NCKAP5: variants seen among roughly 807,000 people sequenced by gnomAD.
NCKAP5 encodes NCK associated protein 5.
Under a neutral mutation model 167.0 loss-of-function variants are expected in NCKAP5, and 92 were observed. That is an observed-to-expected ratio of 0.55 (90% confidence interval 0.47 to 0.66). The LOEUF (loss-of-function observed/expected upper bound fraction) is 0.66. Among genes scored for constraint, NCKAP5 ranks in the 30% least tolerant of loss-of-function variants. NCKAP5 has a pLI of 0.00. For synonymous variants in NCKAP5, 891 were observed against 877.4 expected, an observed-to-expected ratio of 1.02 and a Z score of -0.27; for missense variants, 2,378 against 2,315.0, an observed-to-expected ratio of 1.03 and a Z score of -0.56.
chr2:133,141,410 G>GAA (rs71398587), intron 5 of NCKAP5, among the ~76,000 whole-genome samples: 10 of 138,204 alleles, frequency 7.2e-5, no homozygotes, highest in Admixed American at 2.9e-4. Context: ...TAGTGGAAAG[G>GAA]AAAAAAAAAA....
At chr2:133,352,071 C>T (rs2150820625) in intron 3 of NCKAP5, among the ~76,000 whole-genome samples, 2 of 152,262 alleles carry the variant, frequency 1.3e-5, no homozygotes, top group Non-Finnish European at 1.5e-5. Flanking sequence ...AACCTGCCTC[C>T]TATCTTGGAT....
chr2:132,733,637 G>T (rs1460503564), intron 16 of NCKAP5, among the ~76,000 whole-genome samples: 1 of 152,200 alleles, frequency 6.6e-6, no homozygotes, highest in African/African-American at 2.4e-5. Flanking sequence ...CATATTAGTA[G>T]ATATCTGATA....
intron 3 of NCKAP5, among the ~76,000 whole-genome samples, chr2:133,492,143 T>TTGTGTGTGTGTGTG (rs780998843): frequency 1.5e-4 from 13 of 84,452 alleles, no homozygotes; most frequent in East Asian, 1.4e-3. Context: ...CATATCTAGT[T>TTGTGTGTGTGTGTG]AGTGTGTGTG....
chr2:132,711,173 A>G (rs1357510782), intron 19 of NCKAP5, among the ~76,000 whole-genome samples: 1 of 152,166 alleles, frequency 6.6e-6, no homozygotes, highest in Non-Finnish European at 1.5e-5. Flanking sequence ...AACCCAGGAA[A>G]TCCTAGAATA....
At chr2:132,995,829 G>T (rs1357898777) in intron 6 of NCKAP5, among the ~76,000 whole-genome samples, 1 of 151,862 alleles carries the variant, frequency 6.6e-6, no homozygotes, top group Non-Finnish European at 1.5e-5. Context: ...ACAAAAATTA[G>T]CCGGGTGTGG....
chr2:133,351,480 A>G (rs1684358107), intron 3 of NCKAP5, among the ~76,000 whole-genome samples: 1 of 152,184 alleles, frequency 6.6e-6, no homozygotes, highest in African/African-American at 2.4e-5. Context: ...AAGTCTTATG[A>G]GGGTTGAATG....
At chr2:132,780,733 C>A (rs955032702) in intron 15 of NCKAP5, among the ~76,000 whole-genome samples, 2 of 152,178 alleles carry the variant, frequency 1.3e-5, no homozygotes, top group African/African-American at 2.4e-5. Flanking sequence ...AAACAAATTT[C>A]CAGCCCAGTG....
At chr2:133,071,612 T>A (rs1008306283) in intron 6 of NCKAP5, among the ~76,000 whole-genome samples, 2 of 152,238 alleles carry the variant, frequency 1.3e-5, no homozygotes, top group African/African-American at 4.8e-5. Flanking sequence ...CCTACAGATT[T>A]CTGAGATTCT....
At chr2:132,891,109 G>A (rs1227018800) in intron 8 of NCKAP5, among the ~76,000 whole-genome samples, 1 of 152,178 alleles carries the variant, frequency 6.6e-6, no homozygotes, top group Admixed American at 6.5e-5. Flanking sequence ...GTTCATTTTT[G>A]AAGAGTTGAA....
intron 5 of NCKAP5, among the ~76,000 whole-genome samples, chr2:133,183,513 C>T (rs2084819969): frequency 6.6e-6 from 1 of 152,064 alleles, no homozygotes; most frequent in South Asian, 2.1e-4. Context: ...ATTTGACAAA[C>T]TTCAGCCCAT....
intron 6 of NCKAP5, among the ~76,000 whole-genome samples, chr2:133,007,769 A>G (rs896397991): frequency 1.3e-5 from 2 of 152,178 alleles, no homozygotes; most frequent in Non-Finnish European, 2.9e-5. Flanking sequence ...TAATCTTCAT[A>G]TCAATGGAAT....
At chr2:133,645,581 T>C in the NCKAP5 span, among the ~76,000 whole-genome samples, 4 of 152,332 alleles carry the variant, frequency 2.6e-5, no homozygotes, top group South Asian at 8.3e-4. Context: ...CATTTATTTG[T>C]GTTTTCTTAA....
rs781035021 is a variant in NCKAP5 at position 132,796,648 on chromosome 2, G to A, written c.889C>T (p.Arg297Ter). The A allele has an allele frequency of 5.0e-6, 8 of 1,612,814 alleles. No homozygotes were observed. The highest frequency in any genetic ancestry group is 2.2e-5 in the South Asian group (2 of 90,804). The part of the protein sequence containing the change: ...VERNRSLTQS[R>*]TDAEVHEHQL... The stretch of plus-strand genomic sequence containing the variant: ...CTCACGTGCACCTCAGCATCAGTTC[G>A]TGACTGTGTCAGACTTCGGTTTCTT... Residue 297 changes from arginine to a stop codon, truncating the protein, a stop_gained, in exon 12 of 20, where the codon CGA becomes TGA. Coordinates refer to ENST00000409261, the MANE Select transcript of NCKAP5 (RefSeq NM_207363.3). LOFTEE classifies it high-confidence loss of function.
intron 3 of NCKAP5, among the ~76,000 whole-genome samples, chr2:133,367,865 CA>C (rs1355515507): frequency 2.0e-5 from 3 of 151,940 alleles, no homozygotes; most frequent in African/African-American, 4.8e-5. Flanking sequence ...AACAAACAAA[CA>C]AAAAAATTGG....
chr2:132,680,383 A>G (rs894621714), intron 19 of NCKAP5, among the ~76,000 whole-genome samples: 1 of 152,174 alleles, frequency 6.6e-6, no homozygotes, highest in Non-Finnish European at 1.5e-5. Context: ...AGTAATTTTC[A>G]GCAGAGATGT....
chr2:133,134,915 A>G (rs1224952668), intron 5 of NCKAP5, among the ~76,000 whole-genome samples: 1 of 152,238 alleles, frequency 6.6e-6, no homozygotes, highest in African/African-American at 2.4e-5. Flanking sequence ...TTAATAGAGA[A>G]CTGTGCGTGT....
intron 6 of NCKAP5, among the ~76,000 whole-genome samples, chr2:133,083,059 A>G (rs1002176139): frequency 2.0e-5 from 3 of 152,236 alleles, no homozygotes; most frequent in Admixed American, 6.5e-5. Flanking sequence ...CAGCTGCAGG[A>G]TACCCTGTGA....
chr2:132,727,234 G>A (rs988387208), intron 18 of NCKAP5, among the ~76,000 whole-genome samples: 27 of 151,978 alleles, frequency 1.8e-4, no homozygotes, highest in African/African-American at 6.0e-4. Context: ...TCCTTTTTAC[G>A]TTCTTGGAAT....
At chr2:132,736,987 T>C (rs1392481109) in intron 16 of NCKAP5, among the ~76,000 whole-genome samples, 3 of 152,176 alleles carry the variant, frequency 2.0e-5, no homozygotes, top group African/African-American at 7.2e-5. Flanking sequence ...CCTGTTCCCA[T>C]TGTTCCATGT....
Sources: gnomAD v4.1 joint callset for allele counts (sites outside exome capture counted in the v4.1 genomes callset) on GRCh38, gnomAD v4.1.1 for gene constraint, MANE v1.5 for transcripts, NCBI Gene and HGNC (gene_info 2026-07-23, HGNC 2026-07-21) for gene names.